The following BOP1 variants were observed in gnomAD, a reference collection of about 807,000 sequenced individuals.
The protein encoded by BOP1 is ribosome biogenesis protein BOP1.
In BOP1, 54 loss-of-function variants were observed where a neutral mutation model predicts 82.9. The ratio of observed to expected loss-of-function variants is 0.65; its 90% CI spans 0.52 to 0.82. The LOEUF (loss-of-function observed/expected upper bound fraction) is 0.82. Among genes scored for constraint, BOP1 ranks in the 40% least tolerant of loss-of-function variants. BOP1 has a pLI of 0.00. For missense variants in BOP1, 1,170 were observed against 1,072.0 expected, an observed-to-expected ratio of 1.09 and a Z score of -1.28; for synonymous variants, 566 against 451.1, an observed-to-expected ratio of 1.25 and a Z score of -3.23.
intron 3 of BOP1, among the ~76,000 whole-genome samples, chr8:144,274,775 G>A (rs1231968784): frequency 6.6e-6 from 1 of 152,368 alleles, no homozygotes; most frequent in South Asian, 2.1e-4. Context: ...GCACCCCCAG[G>A]GGCAGCAGGG....
At position 144,264,318 on chromosome 8, in the gene BOP1, G is replaced by A; in HGVS notation, c.885C>T (p.Arg295=). 1 of 1,610,408 alleles carries A rather than the reference G, an allele frequency of 6.2e-7. No individual in the cohort carries two copies. Among genetic ancestry groups the A allele is most frequent in the Non-Finnish European group, 8.5e-7 (1 of 1,179,572 alleles). Residue 295 remains arginine (R), a synonymous_variant, in exon 7 of 16, where the codon CGC becomes CGT. Transcript: ENST00000569669. ...AQEDPNAVLG[R]HKMHVPAPKL... ...TGGGAGCAGGTACGTGCATCTTGTG[G>A]CGCCCGAGCACGGCGTTGGGGTCCT...
At chr8:144,278,671 G>C (rs587764522) in intron 2 of BOP1, among the ~76,000 whole-genome samples, 3 of 152,142 alleles carry the variant, frequency 2.0e-5, no homozygotes, top group African/African-American at 7.2e-5. Flanking sequence ...CATCGCTGTC[G>C]GGGTGCCAAG....
chr8:144,264,563 G>A lies in BOP1; in HGVS notation c.717C>T (p.Arg239=), dbSNP rs1564595127. The A allele has an allele frequency of 1.2e-6, 2 of 1,609,906 alleles. No individual in the cohort carries two copies. The highest frequency in any genetic ancestry group is 3.3e-5 in the Admixed American group (2 of 59,734). Reference sequence around the variant, plus strand: ...GGATGAAGCTGCGCTTGTCGGCCGGGCGGTTGGTCACCGGGTGGATCATGA... The same window carrying A: ...GGATGAAGCTGCGCTTGTCGGCCGGACGGTTGGTCACCGGGTGGATCATGA... ...GDVMIHPVTN[R]PADKRSFIPS... is the part of the protein sequence containing the mutation. Residue 239 remains arginine, a synonymous_variant, in exon 6 of 16, where the codon CGC becomes CGT. Transcript: ENST00000569669.
At chr8:144,274,449 A>C (rs1357030880) in intron 3 of BOP1, among the ~76,000 whole-genome samples, 6 of 151,112 alleles carry the variant, frequency 4.0e-5, no homozygotes, top group Admixed American at 6.6e-5. Flanking sequence ...GCCCCAAATC[A>C]CTCCCCTAGG....
At chr8:144,264,489 C>T in intron 6 of BOP1, 26 bp downstream of exon 6, 1 of 1,608,844 alleles carries the variant, frequency 6.2e-7, no homozygotes, top group Non-Finnish European at 8.5e-7. Flanking sequence ...CAGCCCAGGC[C>T]AAGCCCCAGG....
chr8:144,282,290 G>A (rs570721783), intron 2 of BOP1, among the ~76,000 whole-genome samples: 19 of 152,330 alleles, frequency 1.2e-4, no homozygotes, highest in South Asian at 4.1e-4. Context: ...GGGATGGCTC[G>A]CAGACACAGT....
At chr8:144,283,991 CCTGT>C (rs1554839203) in intron 2 of BOP1, among the ~76,000 whole-genome samples, 1 of 152,160 alleles carries the variant, frequency 6.6e-6, no homozygotes, top group African/African-American at 2.4e-5. Context: ...ATGACGGGCG[CCTGT>C]AATCCCGGCT....
chr8:144,278,525 A>G (rs999393627), intron 2 of BOP1, among the ~76,000 whole-genome samples: 6 of 152,214 alleles, frequency 3.9e-5, no homozygotes, highest in African/African-American at 1.4e-4. Context: ...CTGGGAGAGG[A>G]TGGCGACAGA....
intron 3 of BOP1, among the ~76,000 whole-genome samples, chr8:144,275,518 C>T (rs1554838217): frequency 1.3e-5 from 2 of 151,514 alleles, no homozygotes; most frequent in South Asian, 2.1e-4. Context: ...GAGCCCAGCC[C>T]GGTGCCAGCC....
intron 3 of BOP1, among the ~76,000 whole-genome samples, chr8:144,270,890 A>AGCTGG (rs2130225625): frequency 6.6e-6 from 1 of 152,204 alleles, no homozygotes; most frequent in Non-Finnish European, 1.5e-5. Flanking sequence ...CTGCGAGCCG[A>AGCTGG]GCTGGGCTGG....
Position 144,265,051 on chromosome 8 carries a change from G to T in BOP1, c.411C>A (p.Gly137=). ...CATCGTACCACTCCAAGGGCACGTT[G>T]CCCACCGTGTTCCGGATGTCCTGCA... ...SDEEDIRNTV[G]NVPLEWYDDF... Residue 137 remains glycine, a synonymous_variant, in exon 4 of 16, where the codon GGC becomes GGA. Transcript: ENST00000569669. 1 of 1,611,362 alleles carries T rather than the reference G, an allele frequency of 6.2e-7. No homozygotes were observed. The highest frequency in any genetic ancestry group is 8.5e-7 in the Non-Finnish European group (1 of 1,179,216).
rs533527127 is a variant in BOP1 at position 144,282,175 on chromosome 8, CG to C, written c.310-5872del. ...AGGGGACAGGAAGCGAGGCACAGGC[CG>C]GCAGGAGGCAGCTTCCTCCCTGGCT... On this transcript the variant is annotated intron_variant, in intron 2 of 15. Transcript: ENST00000569669. Among the ~76,000 whole-genome samples the C allele has an allele frequency of 1.1e-4, 16 of 152,338 alleles. No individual in the cohort carries two copies. In the South Asian group the frequency reaches 3.1e-3, roughly 30 times the overall value.
chr8:144,268,840 A>T (rs1454083613), intron 3 of BOP1, among the ~76,000 whole-genome samples: 1 of 152,088 alleles, frequency 6.6e-6, no homozygotes, highest in Non-Finnish European at 1.5e-5. Context: ...GCAGCAGGGC[A>T]AGGGTGCCCC....
intron 1 of BOP1, among the ~76,000 whole-genome samples, chr8:144,290,811 A>C (rs1467300782): frequency 6.6e-6 from 1 of 152,178 alleles, no homozygotes; most frequent in Non-Finnish European, 1.5e-5. Context: ...TGATCCCCAC[A>C]ACCAAGACAG....
In BOP1 at chr8:144,289,106, C is replaced by T. The variant is rs1814961812; in HGVS notation, c.298G>A (p.Glu100Lys). ...CCTCGCTCACCCACCTGCACCTGCT[C>T]CTCAGTGGTCTTTTTAATCCCACTG... ...GHSGIKKTTE[E>K]QVQASTPCPR... is the part of the protein sequence containing the mutation. Residue 100 changes from glutamate to lysine, a missense_variant, in exon 2 of 16, where the codon GAG (glutamate) becomes AAG (lysine). Coordinates refer to ENST00000569669, the MANE Select transcript of BOP1 (RefSeq NM_015201.5). 1.2e-6 allele frequency: 2 copies of T among 1,614,042 alleles called. No individual in the cohort carries two copies. The highest frequency in any genetic ancestry group is 2.7e-5 in the African/African-American group (2 of 74,934).
rs959110291 is a variant in BOP1, at chr8:144,263,848, G to A, written c.1204C>T (p.Pro402Ser). 3 of 1,611,424 alleles carry A rather than the reference G, an allele frequency of 1.9e-6. No individual in the cohort carries two copies. Among genetic ancestry groups the A allele is most frequent in the Non-Finnish European group, 1.7e-6 (2 of 1,179,654 alleles). ...CCACTTACCAGGGCCTGGCACGTGG[G>A]GAAGGGCTGCAGGTCCCTCGGCCGA... ...LPRPRDLQPF[P>S]TCQALVYRGH... Residue 402 changes from proline (P) to serine (S), a missense_variant, in exon 9 of 16, where the codon CCC (proline) becomes TCC (serine). By Grantham distance (74) the Pro-to-Ser change is moderately conservative. Transcript: ENST00000569669.
Position 144,276,490 on chromosome 8 carries a change from C to T in BOP1, c.310-186G>A, listed in dbSNP as rs1041294599. ...GGGGGCTGTGGCTGGCACCCGGCGC[C>T]GCAGGTCCTGCCCACGGCCCTGTCC... On this transcript the variant is annotated intron_variant, in intron 2 of 15. Coordinates refer to ENST00000569669, the MANE Select transcript of BOP1 (RefSeq NM_015201.5). 2.2e-4 allele frequency among the ~76,000 whole-genome samples: 34 copies of T among 152,292 alleles called. No individual in the cohort carries two copies. In the East Asian group the frequency reaches 5.8e-3, roughly 26 times the overall value.
intron 2 of BOP1, among the ~76,000 whole-genome samples, chr8:144,276,998 T>G (rs1845577031): frequency 6.6e-6 from 1 of 151,940 alleles, no homozygotes; most frequent in African/African-American, 2.4e-5. Context: ...CATCCCAACC[T>G]GGAAAACAGA....
intron 2 of BOP1, among the ~76,000 whole-genome samples, chr8:144,277,028 G>A (rs1411037970): frequency 3.3e-5 from 5 of 152,198 alleles, no homozygotes; most frequent in Non-Finnish European, 5.9e-5. Context: ...CGACTGCGGA[G>A]GTGAGGATGG....
Sources: allele counts gnomAD v4.1 joint callset (sites outside exome capture counted in the v4.1 genomes callset), GRCh38; gene constraint gnomAD v4.1.1; transcripts MANE v1.5; gene names NCBI Gene and HGNC (gene_info 2026-07-23, HGNC 2026-07-21).